NIPAL2: variants seen among roughly 807,000 people sequenced by gnomAD.
NIPAL2 encodes the protein NIPA-like protein 2.
In NIPAL2, 43 loss-of-function variants were observed where a neutral mutation model predicts 48.9. The ratio of observed to expected loss-of-function variants is 0.88; its 90% CI spans 0.69 to 1.13. NIPAL2 has a LOEUF of 1.13. Among genes scored for constraint, NIPAL2 ranks in the 50% most tolerant of loss-of-function variants. NIPAL2 has a pLI of 0.00. For synonymous variants in NIPAL2, 167 were observed against 174.6 expected (o/e 0.96, Z 0.34); for missense variants, 446 against 461.4 (o/e 0.97, Z 0.31).
intron 10 of NIPAL2, among the ~76,000 whole-genome samples, chr8:98,194,047 G>A (rs1810427091): frequency 6.6e-6 from 1 of 152,176 alleles, no homozygotes; most frequent in Admixed American, 6.5e-5. Flanking sequence ...GGTGGAGAAA[G>A]CTGTGAGAAT....
chr8:98,239,795 T>C (rs909509914), intron 3 of NIPAL2, among the ~76,000 whole-genome samples: 6 of 152,224 alleles, frequency 3.9e-5, no homozygotes, highest in African/African-American at 1.2e-4. Flanking sequence ...TCAACTCATT[T>C]ATCTTGCAAA....
chr8:98,237,563 C>T (rs1424977491), intron 3 of NIPAL2, among the ~76,000 whole-genome samples: 1 of 152,090 alleles, frequency 6.6e-6, no homozygotes, highest in African/African-American at 2.4e-5. Flanking sequence ...CCCTAAGTGG[C>T]TGGTCTACAG....
At chr8:98,256,144 C>A (rs904188221) in intron 1 of NIPAL2, among the ~76,000 whole-genome samples, 1 of 152,076 alleles carries the variant, frequency 6.6e-6, no homozygotes, top group Non-Finnish European at 1.5e-5. Flanking sequence ...GTGCCTCAGC[C>A]TCCCCAGTAG....
chr8:98,289,633 G>A (rs1816386250), intron 1 of NIPAL2, among the ~76,000 whole-genome samples: 2 of 151,656 alleles, frequency 1.3e-5, no homozygotes, highest in Non-Finnish European at 2.9e-5. Context: ...CTACAGGCAC[G>A]AGCTACCATG....
chr8:98,194,194 A>G (rs776576044), intron 10 of NIPAL2, among the ~76,000 whole-genome samples: 20 of 152,198 alleles, frequency 1.3e-4, no homozygotes, highest in Non-Finnish European at 2.9e-4. Context: ...TTTGTTGTCT[A>G]CATGACTAGG....
At chr8:98,239,779 T>C (rs1297261777) in intron 3 of NIPAL2, among the ~76,000 whole-genome samples, 1 of 152,236 alleles carries the variant, frequency 6.6e-6, no homozygotes, top group Admixed American at 6.5e-5. Flanking sequence ...TAAGATACAT[T>C]TACTTTCAAC....
At chr8:98,224,755 CTTTTT>C (rs371936351) in intron 4 of NIPAL2, among the ~76,000 whole-genome samples, 5 of 123,766 alleles carry the variant, frequency 4.0e-5, no homozygotes, top group Admixed American at 1.9e-4. Flanking sequence ...TCTTTCTTTT[CTTTTT>C]TTTTTTTTTT....
At chr8:98,235,470 C>A (rs1812656454) in intron 4 of NIPAL2, among the ~76,000 whole-genome samples, 1 of 152,076 alleles carries the variant, frequency 6.6e-6, no homozygotes, top group Admixed American at 6.5e-5. Context: ...TTGGGAAAAG[C>A]CAAATATAAA....
chr8:98,226,300 G>T (rs1812169312), intron 4 of NIPAL2, among the ~76,000 whole-genome samples: 1 of 152,106 alleles, frequency 6.6e-6, no homozygotes, highest in African/African-American at 2.4e-5. Context: ...TCTGGGCATT[G>T]AGGAGTTAGA....
intron 4 of NIPAL2, among the ~76,000 whole-genome samples, chr8:98,233,098 A>C (rs1812523779): frequency 6.6e-6 from 1 of 152,072 alleles, no homozygotes; most frequent in Non-Finnish European, 1.5e-5. Context: ...TCTCTACTAA[A>C]AATACAAAAT....
chr8:98,215,594 CA>C (rs1358689293), intron 5 of NIPAL2, among the ~76,000 whole-genome samples: 1 of 152,146 alleles, frequency 6.6e-6, no homozygotes. Context: ...CATCAGTTTA[CA>C]GGTGAGGAAA....
intron 4 of NIPAL2, among the ~76,000 whole-genome samples, chr8:98,227,385 C>A (rs1812228485): frequency 6.6e-6 from 1 of 152,208 alleles, no homozygotes; most frequent in South Asian, 2.1e-4. Flanking sequence ...TAATACATCT[C>A]TGAGTCTCAC....
At chr8:98,232,361 C>A (rs914773983) in intron 4 of NIPAL2, among the ~76,000 whole-genome samples, 1 of 152,114 alleles carries the variant, frequency 6.6e-6, no homozygotes, top group African/African-American at 2.4e-5. Flanking sequence ...AAAAACAAAA[C>A]AGAGCACCCA....
At chr8:98,253,114 G>A (rs1563526064) in intron 2 of NIPAL2, among the ~76,000 whole-genome samples, 1 of 151,976 alleles carries the variant, frequency 6.6e-6, no homozygotes, top group Non-Finnish European at 1.5e-5. Context: ...TTGTGTTCAA[G>A]TAACCCTTAT....
intron 1 of NIPAL2, among the ~76,000 whole-genome samples, chr8:98,266,068 TG>T (rs1814709838): frequency 1.5e-5 from 2 of 134,210 alleles, no homozygotes; most frequent in African/African-American, 5.6e-5. Flanking sequence ...CACTCATAGG[TG>T]GGAATTGAAC....
intron 3 of NIPAL2, among the ~76,000 whole-genome samples, chr8:98,244,936 A>T (rs927467869): frequency 2.0e-5 from 3 of 152,198 alleles, no homozygotes; most frequent in Non-Finnish European, 4.4e-5. Context: ...TTTCCTGGAC[A>T]TTCAATTTAT....
intron 4 of NIPAL2, among the ~76,000 whole-genome samples, chr8:98,224,502 G>A (rs1478210150): frequency 6.6e-6 from 1 of 151,660 alleles, no homozygotes; most frequent in Non-Finnish European, 1.5e-5. Context: ...ACTGTTTACT[G>A]AACCAGTTTC....
At chr8:98,292,702 G>T (rs1269384887) in intron 1 of NIPAL2, among the ~76,000 whole-genome samples, 1 of 151,028 alleles carries the variant, frequency 6.6e-6, no homozygotes, top group African/African-American at 2.4e-5. Flanking sequence ...CCTGTTTTTG[G>T]ATGATCACAT....
intron 3 of NIPAL2, among the ~76,000 whole-genome samples, chr8:98,244,604 TGAGAGGG>T (rs1813201172): frequency 1.0e-5 from 1 of 95,930 alleles, no homozygotes; most frequent in Non-Finnish European, 2.1e-5. Flanking sequence ...GCTGTGGTGA[TGAGAGGG>T]TGGGCTGTGG....
Sources: gnomAD v4.1 joint callset for allele counts (sites outside exome capture counted in the v4.1 genomes callset) on GRCh38, gnomAD v4.1.1 for gene constraint, MANE v1.5 for transcripts, NCBI Gene and HGNC (gene_info 2026-07-23, HGNC 2026-07-21) for gene names.